The following NRXN3 variants were observed in gnomAD, a reference collection of about 807,000 sequenced individuals.
NRXN3 encodes the protein neurexin III.
In NRXN3, 32 loss-of-function variants were observed where a neutral mutation model predicts 137.6. That is an observed-to-expected ratio of 0.23 (90% CI 0.18 to 0.31). The LOEUF (loss-of-function observed/expected upper bound fraction) is 0.31. NRXN3 is among the 10% of genes least tolerant of loss of function. The probability of loss-of-function intolerance (pLI) is 1.00; values close to 1 mark genes in which losing one functional copy is unlikely to be tolerated. For missense variants in NRXN3, 1,574 were observed against 2,062.5 expected, an observed-to-expected ratio of 0.76 and a Z score of 4.59; for synonymous variants, 798 against 784.5, an observed-to-expected ratio of 1.02 and a Z score of -0.29.
intron 4 of NRXN3, among the ~76,000 whole-genome samples, chr14:78,535,247 A>AAGACT (rs2096524098): frequency 6.6e-6 from 1 of 151,890 alleles, no homozygotes; most frequent in Admixed American, 6.6e-5. Flanking sequence ...TTCTCTGTTT[A>AAGACT]CTGGGCAAAG....
chr14:79,168,015 C>T (rs2061436137), intron 15 of NRXN3, among the ~76,000 whole-genome samples: 1 of 147,950 alleles, frequency 6.8e-6, no homozygotes, highest in Non-Finnish European at 1.5e-5. Flanking sequence ...ACTTATCTAT[C>T]TGAGCTGAAA....
intron 19 of NRXN3, among the ~76,000 whole-genome samples, chr14:79,741,730 C>A (rs2154080446): frequency 6.6e-6 from 1 of 151,930 alleles, no homozygotes; most frequent in Non-Finnish European, 1.5e-5. Flanking sequence ...AAGTGATCTG[C>A]CCACCTCAGC....
chr14:79,301,450 A>G (rs1598445999), intron 15 of NRXN3, among the ~76,000 whole-genome samples: 1 of 151,952 alleles, frequency 6.6e-6, no homozygotes, highest in East Asian at 1.9e-4. Context: ...AATAGGTGCC[A>G]CTCAACCTGC....
intron 10 of NRXN3, among the ~76,000 whole-genome samples, chr14:78,930,563 C>T (rs2099318752): frequency 1.3e-5 from 2 of 152,100 alleles, no homozygotes; most frequent in South Asian, 4.1e-4. Context: ...TACTGCTGCA[C>T]CAAGACAGGC....
intron 16 of NRXN3, among the ~76,000 whole-genome samples, chr14:79,503,169 T>C (rs1441553381): frequency 6.6e-6 from 1 of 152,204 alleles, no homozygotes; most frequent in Non-Finnish European, 1.5e-5. Context: ...TGTGTTTTAT[T>C]ATATCTAGTT....
At chr14:78,589,007 T>A (rs1025150101) in intron 4 of NRXN3, among the ~76,000 whole-genome samples, 5 of 152,160 alleles carry the variant, frequency 3.3e-5, no homozygotes, top group African/African-American at 1.2e-4. Flanking sequence ...ATGTGTAATG[T>A]GGTGTTTGGG....
intron 15 of NRXN3, among the ~76,000 whole-genome samples, chr14:79,335,449 TCTCC>T (rs2153345425): frequency 6.6e-6 from 1 of 152,250 alleles, no homozygotes; most frequent in African/African-American, 2.4e-5. Context: ...TTGTATTTTT[TCTCC>T]CTATTATATT....
chr14:79,307,702 G>A (rs1434968153), intron 15 of NRXN3, among the ~76,000 whole-genome samples: 1 of 152,058 alleles, frequency 6.6e-6, no homozygotes, highest in Non-Finnish European at 1.5e-5. Flanking sequence ...AGCAATGTCT[G>A]ATCCTAATTT....
intron 4 of NRXN3, among the ~76,000 whole-genome samples, chr14:78,523,840 A>AAAAAAAAAAAAAAAAAAAAT (rs2096330201): frequency 6.8e-6 from 1 of 146,880 alleles, no homozygotes; most frequent in Non-Finnish European, 1.5e-5. Flanking sequence ...AAAAAAAAAA[A>AAAAAAAAAAAAAAAAAAAAT]AAAAAGAATA....
At chr14:78,650,911 G>C (rs2097735614) in intron 5 of NRXN3, among the ~76,000 whole-genome samples, 1 of 152,182 alleles carries the variant, frequency 6.6e-6, no homozygotes, top group African/African-American at 2.4e-5. Context: ...GCAATGGGTA[G>C]AACAAGGTGC....
intron 19 of NRXN3, among the ~76,000 whole-genome samples, chr14:79,732,666 A>G (rs1368479654): frequency 6.6e-6 from 1 of 152,198 alleles, no homozygotes; most frequent in Non-Finnish European, 1.5e-5. Context: ...CTACATGTCT[A>G]TGCACTTTTG....
At chr14:79,113,333 C>A (rs972785361) in intron 15 of NRXN3, among the ~76,000 whole-genome samples, 1 of 152,086 alleles carries the variant, frequency 6.6e-6, no homozygotes, top group African/African-American at 2.4e-5. Flanking sequence ...ACTTGGGGAC[C>A]TTTTGAATGT....
chr14:78,237,150 G>A (rs1472815924), intron 1 of NRXN3, among the ~76,000 whole-genome samples: 1 of 152,190 alleles, frequency 6.6e-6, no homozygotes, highest in African/African-American at 2.4e-5. Context: ...TGGCAAAGGT[G>A]GGTAAGACAT....
chr14:78,263,620 A>G (rs559333007), intron 2 of NRXN3, among the ~76,000 whole-genome samples: 1 of 151,878 alleles, frequency 6.6e-6, no homozygotes, highest in East Asian at 1.9e-4. Flanking sequence ...AACAAGATCA[A>G]TTCTGCTCCA....
chr14:78,480,490 A>AATGGGTCC (rs760424445), intron 4 of NRXN3, among the ~76,000 whole-genome samples: 7 of 152,216 alleles, frequency 4.6e-5, no homozygotes, highest in Non-Finnish European at 7.3e-5. Flanking sequence ...ATTCTTATAC[A>AATGGGTCC]ATGGGTCCAG....
chr14:78,941,603 G>T (rs966920229), intron 10 of NRXN3, among the ~76,000 whole-genome samples: 6 of 152,154 alleles, frequency 3.9e-5, no homozygotes, highest in African/African-American at 1.4e-4. Context: ...CATCCAGAAG[G>T]CAGTTTTATA....
chr14:78,719,174 A>G (rs554517101), intron 8 of NRXN3, among the ~76,000 whole-genome samples: 70 of 152,358 alleles, frequency 4.6e-4, no homozygotes, highest in African/African-American at 1.6e-3. Flanking sequence ...TTTTCTAAAC[A>G]TATCCTGGCA....
chr14:79,709,521 C>T (rs1567966805), intron 19 of NRXN3, among the ~76,000 whole-genome samples: 1 of 152,182 alleles, frequency 6.6e-6, no homozygotes, highest in African/African-American at 2.4e-5. Context: ...ATTTATCCCC[C>T]TTTCTGAGAG....
chr14:79,860,987 G>A (rs929101862), intron 20 of NRXN3: 2 of 1,131,388 alleles, frequency 1.8e-6, no homozygotes, highest in Non-Finnish European at 2.4e-6. Flanking sequence ...TTGGTTGAGT[G>A]AGAGTTGTTT....
Sources: allele counts gnomAD v4.1 joint callset (sites outside exome capture counted in the v4.1 genomes callset), GRCh38; gene constraint gnomAD v4.1.1; transcripts MANE v1.5; gene names NCBI Gene and HGNC (gene_info 2026-07-23, HGNC 2026-07-21).